TAF6L: variants seen among roughly 807,000 people sequenced by gnomAD.
TAF6L encodes TATA-box binding protein associated factor 6 like.
TAF6L carries 34 observed loss-of-function variants against 57.3 expected under a neutral mutation model. The ratio of observed to expected loss-of-function variants is 0.59; its 90% confidence interval spans 0.45 to 0.79. The LOEUF is 0.79. TAF6L is among the 30% of genes least tolerant of loss of function. The pLI, the probability that TAF6L is intolerant of heterozygous loss-of-function variation, is 0.00. For missense variants in TAF6L, 782 were observed against 853.2 expected (o/e 0.92, Z 1.04); for synonymous variants, 417 against 376.3 (o/e 1.11, Z -1.25).
intron 9 of TAF6L, among the ~76,000 whole-genome samples, chr11:62,784,178 C>T (rs1249045170): frequency 6.7e-6 from 1 of 148,462 alleles, no homozygotes; most frequent in Non-Finnish European, 1.5e-5. Context: ...TTAGTAGAGA[C>T]GGGGTTTCAC....
chr11:62,773,765 G>C (rs1468009977), intron 1 of TAF6L, among the ~76,000 whole-genome samples: 3 of 152,120 alleles, frequency 2.0e-5, no homozygotes, highest in African/African-American at 7.2e-5. Context: ...CTTACGACTG[G>C]TTTGGAGGCA....
At chr11:62,771,977 G>A (rs2084151534) in intron 1 of TAF6L, 2 of 391,050 alleles carry the variant, frequency 5.1e-6, no homozygotes, top group Admixed American at 6.2e-5. Flanking sequence ...TCCAGGCCTT[G>A]TTCCCCATAC....
At chr11:62,779,105 C>T in intron 6 of TAF6L, 142 bp downstream of exon 6, 1 of 656,264 alleles carries the variant, frequency 1.5e-6, no homozygotes, top group Non-Finnish European at 2.6e-6. Flanking sequence ...ACCGCACCCT[C>T]TGCCTCCCAG....
At chr11:62,781,812 T>A in intron 6 of TAF6L, 82 bp from the exon 7 acceptor site, 1 of 1,148,002 alleles carries the variant, frequency 8.7e-7, no homozygotes, top group Non-Finnish European at 1.3e-6. Flanking sequence ...AATAAGGTGA[T>A]ACACTGTCTT....
chr11:62,785,253 G>A (rs890777117), intron 9 of TAF6L, among the ~76,000 whole-genome samples: 7 of 151,330 alleles, frequency 4.6e-5, no homozygotes, highest in African/African-American at 1.2e-4. Flanking sequence ...GTGCAATGGC[G>A]CGACCTCGGC....
rs767214874 is a variant in TAF6L, at chr11:62,786,790, C to G, written c.1363C>G (p.Arg455Gly). 7 of 1,611,006 alleles carry G rather than the reference C, an allele frequency of 4.3e-6. No homozygotes were observed. The Admixed American group carries it at 6.7e-5, about 15-fold the overall frequency. The change falls in exon 11 of 11, where the codon CGC becomes GGC. Residue 455 changes from arginine (R) to glycine (G), a missense_variant. Arg to Gly is a moderately radical substitution (Grantham distance 125, BLOSUM62 -2). Transcript: ENST00000294168. ...CTTCTTCGGTGACAGCTTGGCCACA[C>G]GCTTTGGCACCGGCCAGCCTGCACC... ...YAFFGDSLATRFGTGQPAPTA... is the reference protein window; with the variant it reads ...YAFFGDSLATGFGTGQPAPTA...
chr11:62,782,642 TG>T (rs1317743893), intron 8 of TAF6L, 50 bp from the exon 9 acceptor site: 11 of 1,600,224 alleles, frequency 6.9e-6, no homozygotes, highest in African/African-American at 1.3e-5. Flanking sequence ...TGTGCCCTGT[TG>T]GGTGGCACCA....
intron 9 of TAF6L, among the ~76,000 whole-genome samples, chr11:62,785,408 C>T (rs1380884335): frequency 5.3e-5 from 8 of 150,716 alleles, no homozygotes; most frequent in Admixed American, 5.3e-4. Flanking sequence ...GGCCAGGGCT[C>T]GTCTCGAACT....
intron 1 of TAF6L, 38 bp from the exon 2 acceptor site, chr11:62,775,733 G>A (rs2084182063): frequency 6.4e-7 from 1 of 1,567,700 alleles, no homozygotes. Context: ...TCTCCGGGAG[G>A]CTGGGCAGCT....
At chr11:62,776,043 A>G (rs1299148125) in intron 2 of TAF6L, 113 bp downstream of exon 2, 6 of 1,332,426 alleles carry the variant, frequency 4.5e-6, no homozygotes, top group Non-Finnish European at 6.1e-6. Context: ...TCCATACAAC[A>G]GAGACAGTCC....
chr11:62,782,888 C>G, intron 9 of TAF6L, 63 bp downstream of exon 9: 1 of 1,592,176 alleles, frequency 6.3e-7, no homozygotes, highest in East Asian at 2.2e-5. Context: ...AAAAATAGTA[C>G]TTGTGCATCG....
intron 4 of TAF6L, 34 bp from the exon 5 acceptor site, chr11:62,778,251 G>C (rs200806239): frequency 1.2e-6 from 2 of 1,614,046 alleles, no homozygotes; most frequent in East Asian, 4.5e-5. Flanking sequence ...GGGGCAAAAC[G>C]CCAGGCTGAC....
chr11:62,778,249 A>T, intron 4 of TAF6L, 36 bp from the exon 5 acceptor site: 8 of 1,613,936 alleles, frequency 5.0e-6, no homozygotes, highest in Non-Finnish European at 6.8e-6. Context: ...AAGGGGCAAA[A>T]CGCCAGGCTG....
Position 62,778,057 on chromosome 11 carries a change from G to T in TAF6L, c.314G>T (p.Arg105Leu), listed in dbSNP as rs1249392636. The change falls in exon 4 of 11, where the codon CGA (arginine) becomes CTA (leucine). Residue 105 changes from arginine to leucine, a missense_variant. Arg to Leu is a moderately radical substitution (Grantham distance 102, BLOSUM62 -2). This residue lies in a region of TAF6L where 220 missense variants were observed against 252.1 expected (regional missense o/e 0.87). Transcript: ENST00000294168. Reference protein sequence around the residue: ...REGELYFPEDREVNLVELALA... With the variant: ...REGELYFPEDLEVNLVELALA... ...GGTGAACTCTACTTTCCTGAGGATC[G>T]AGAGGTGAACCTGGTGGAGCTGGCC... The T allele has an allele frequency of 6.2e-7, 1 of 1,614,112 alleles. No individual in the cohort carries two copies. The highest frequency in any genetic ancestry group is 1.3e-5 in the African/African-American group (1 of 75,028).
At chr11:62,779,976 A>ATATATATATATATATTTTTTTTTTTTT in intron 6 of TAF6L, among the ~76,000 whole-genome samples, 1 of 52,632 alleles carries the variant, frequency 1.9e-5, no homozygotes, top group Non-Finnish European at 3.6e-5. Flanking sequence ...ATATATATAT[A>ATATATATATATATATTTTTTTTTTTTT]TTTTTTTTTT....
rs780638356 is a variant in TAF6L at position 62,787,217 on chromosome 11, A to T, written c.1790A>T (p.Lys597Ile). ...AGCCCGGCCTCGCGCTACGTGCAGA[A>T]ACTGCCCATGATCGGCCGTACCAGC... is the stretch of plus-strand genomic sequence containing the variant. ...GPSPASRYVQ[K>I]LPMIGRTSRP... The change falls in exon 11 of 11, where the codon AAA (lysine) becomes ATA (isoleucine). Residue 597 changes from lysine (K) to isoleucine (I), a missense_variant. Physicochemically the swap from Lys to Ile is moderately radical, Grantham distance 102. Transcript: ENST00000294168. 1 of 1,587,618 alleles carries T rather than the reference A, an allele frequency of 6.3e-7. No homozygotes were observed. Among genetic ancestry groups the T allele is most frequent in the Non-Finnish European group, 8.5e-7 (1 of 1,175,434 alleles).
At chr11:62,785,959 G>GT (rs1163375946) in intron 9 of TAF6L, 2 of 252,768 alleles carry the variant, frequency 7.9e-6, no homozygotes, top group African/African-American at 4.4e-5. Flanking sequence ...ATTGTATAGG[G>GT]TAGCAGTATG....
chr11:62,780,357 A>G (rs537924263), intron 6 of TAF6L, among the ~76,000 whole-genome samples: 1 of 149,630 alleles, frequency 6.7e-6, no homozygotes, highest in African/African-American at 2.5e-5. Flanking sequence ...CTAAAAATAC[A>G]AAAATTAGTC....
chr11:62,782,456 G>A (rs1475910473), intron 8 of TAF6L, 123 bp downstream of exon 8: 1 of 1,144,022 alleles, frequency 8.7e-7, no homozygotes, highest in Non-Finnish European at 1.2e-6. Context: ...TTTTCCCTAG[G>A]AGCGTCCTAG....
Sources: allele counts gnomAD v4.1 joint callset (sites outside exome capture counted in the v4.1 genomes callset), GRCh38; gene constraint gnomAD v4.1.1; regional missense constraint gnomAD v4.1.1; transcripts MANE v1.5; gene names NCBI Gene and HGNC (gene_info 2026-07-23, HGNC 2026-07-21).